Variants in SORCS3 observed in about 807,000 individuals in gnomAD.
SORCS3 encodes sortilin related VPS10 domain containing receptor 3, also known as VPS10 domain-containing receptor SorCS3.
In SORCS3, 57 loss-of-function variants were observed where a neutral mutation model predicts 146.3. That is an observed-to-expected ratio of 0.39 (90% CI 0.31 to 0.49). The LOEUF (loss-of-function observed/expected upper bound fraction) is 0.49. Among genes scored for constraint, SORCS3 ranks in the 20% least tolerant of loss-of-function variants. SORCS3 has a pLI of 0.92. For missense variants in SORCS3, 1,341 were observed against 1,575.5 expected (o/e 0.85, Z 2.52); for synonymous variants, 653 against 618.5 (o/e 1.06, Z -0.83).
At chr10:105,260,663 G>A (rs559729800) in intron 25 of SORCS3, among the ~76,000 whole-genome samples, 9 of 152,312 alleles carry the variant, frequency 5.9e-5, no homozygotes, top group South Asian at 4.1e-4. Flanking sequence ...CAGGAAACCC[G>A]TATTAAGTGC....
chr10:104,822,424 G>A (rs1372315287), intron 1 of SORCS3, among the ~76,000 whole-genome samples: 1 of 152,176 alleles, frequency 6.6e-6, no homozygotes, highest in Non-Finnish European at 1.5e-5. Context: ...GAAGGACAAG[G>A]AGATACGATC....
chr10:104,681,096 C>T (rs147353962), intron 1 of SORCS3, among the ~76,000 whole-genome samples: 123 of 152,338 alleles, frequency 8.1e-4, no homozygotes, highest in African/African-American at 2.8e-3. Flanking sequence ...TAACACATGC[C>T]GGTCTCCCTG....
Position 105,263,439 on chromosome 10 carries a change from T to G in SORCS3, c.*65T>G. The G allele has an allele frequency of 6.8e-7, 1 of 1,466,150 alleles. No individual in the cohort carries two copies. The highest frequency in any genetic ancestry group is 1.4e-5 in the African/African-American group (1 of 70,968). The allele number at this position is 1,466,150 out of a possible 1,614,324, so 90.8% of individuals were successfully genotyped here. A position where few individuals can be genotyped will look rare whatever the true frequency, so the allele number is the denominator to read the frequency against. On this transcript the variant is annotated 3_prime_UTR_variant, in exon 27 of 27. Transcript: ENST00000369701. ...TATTTTTGATGATTACTATTACTATTATTATGGAAAAATTAAAATGTCTTT... is the reference window on the plus strand; with the variant it reads ...TATTTTTGATGATTACTATTACTATGATTATGGAAAAATTAAAATGTCTTT...
chr10:105,016,124 A>T (rs2055164325), intron 4 of SORCS3, among the ~76,000 whole-genome samples: 2 of 135,678 alleles, frequency 1.5e-5, no homozygotes, highest in South Asian at 4.5e-4. Flanking sequence ...CATATTAGAA[A>T]TATTATATAA....
intron 3 of SORCS3, among the ~76,000 whole-genome samples, chr10:104,923,476 T>C (rs1192399483): frequency 2.0e-5 from 3 of 152,222 alleles, no homozygotes; most frequent in Non-Finnish European, 2.9e-5. Context: ...CTGGCTCTGC[T>C]GGTAGAAGTC....
intron 7 of SORCS3, among the ~76,000 whole-genome samples, chr10:105,111,478 GTAGT>G (rs754828635): frequency 1.3e-5 from 2 of 152,192 alleles, no homozygotes; most frequent in Non-Finnish European, 2.9e-5. Context: ...CTCAGGAAGT[GTAGT>G]TAGTTATCTT....
chr10:104,922,417 G>A (rs528036263), intron 3 of SORCS3, among the ~76,000 whole-genome samples: 13 of 152,312 alleles, frequency 8.5e-5, no homozygotes, highest in Middle Eastern at 3.4e-3. Context: ...AAGATGCACC[G>A]AAGAAAATGA....
At chr10:104,892,829 G>C (rs2018761931) in intron 2 of SORCS3, among the ~76,000 whole-genome samples, 1 of 152,104 alleles carries the variant, frequency 6.6e-6, no homozygotes, top group Non-Finnish European at 1.5e-5. Flanking sequence ...CTAGGAGGCT[G>C]TAACACATAG....
intron 1 of SORCS3, chr10:104,822,213 T>A (rs777330575): frequency 2.9e-5 from 12 of 418,436 alleles, no homozygotes; most frequent in Non-Finnish European, 5.2e-5. Flanking sequence ...ACACGTTGTC[T>A]GTTTCTTATC....
intron 3 of SORCS3, among the ~76,000 whole-genome samples, chr10:104,939,522 A>G (rs1274867892): frequency 9.0e-6 from 1 of 111,402 alleles, no homozygotes; most frequent in Non-Finnish European, 1.7e-5. Context: ...CAGTCCTTTT[A>G]AGAGAACGTC....
chr10:104,979,579 G>A (rs1024748518), intron 4 of SORCS3, among the ~76,000 whole-genome samples: 16 of 152,046 alleles, frequency 1.1e-4, no homozygotes, highest in African/African-American at 2.9e-4. Flanking sequence ...GTGTGTGTGT[G>A]TGTGCATGCG....
At chr10:104,794,081 A>G (rs973190) in intron 1 of SORCS3, among the ~76,000 whole-genome samples, 112,970 of 152,110 alleles carry the variant, frequency 0.74, 42,175 homozygotes, top group East Asian at 0.92. Flanking sequence ...GGCAGAGGAA[A>G]GTCGCAGGCG....
intron 1 of SORCS3, among the ~76,000 whole-genome samples, chr10:104,771,340 T>A (rs1001764233): frequency 6.6e-6 from 1 of 152,216 alleles, no homozygotes; most frequent in Non-Finnish European, 1.5e-5. Flanking sequence ...TGTTGTTAGC[T>A]AATAAGCAGT....
chr10:105,044,571 C>A (rs1250344903), intron 5 of SORCS3, among the ~76,000 whole-genome samples: 1 of 152,102 alleles, frequency 6.6e-6, no homozygotes, highest in Admixed American at 6.6e-5. Context: ...TGTACATACA[C>A]ACATTCATAC....
intron 1 of SORCS3, among the ~76,000 whole-genome samples, chr10:104,819,174 T>C (rs1589511253): frequency 6.6e-6 from 1 of 152,098 alleles, no homozygotes; most frequent in Non-Finnish European, 1.5e-5. Flanking sequence ...TGCACGTCAG[T>C]GTGTACAAGA....
At position 105,211,122 on chromosome 10, in the gene SORCS3, T is replaced by A; in HGVS notation, c.2262-15T>A. ...GTACATATATACTACTATGCAATAT[T>A]CATTTTCCTGACAGTGACTATGGGT... On this transcript the variant is annotated splice_polypyrimidine_tract_variant and intron_variant, in intron 16 of 26. Coordinates refer to ENST00000369701, the MANE Select transcript of SORCS3 (RefSeq NM_014978.3). 6.3e-7 allele frequency: 1 copy of A among 1,585,598 alleles called. No homozygotes were observed.
intron 1 of SORCS3, among the ~76,000 whole-genome samples, chr10:104,662,700 C>T (rs1403506783): frequency 1.3e-5 from 2 of 152,162 alleles, no homozygotes; most frequent in African/African-American, 4.8e-5. Context: ...AATATTTGTA[C>T]TTAAGCTCTG....
intron 1 of SORCS3, among the ~76,000 whole-genome samples, chr10:104,815,285 C>A (rs529770860): frequency 7.6e-4 from 116 of 151,962 alleles, no homozygotes; most frequent in African/African-American, 2.7e-3. Context: ...CATGGTGAAA[C>A]CCTGTCTCTA....
intron 1 of SORCS3, among the ~76,000 whole-genome samples, chr10:104,714,312 A>C (rs888541648): frequency 6.6e-6 from 1 of 151,356 alleles, no homozygotes; most frequent in Non-Finnish European, 1.5e-5. Context: ...TTAAATTACT[A>C]TTTTTCCTCT....
Sources: allele counts gnomAD v4.1 joint callset (sites outside exome capture counted in the v4.1 genomes callset), GRCh38; gene constraint gnomAD v4.1.1; transcripts MANE v1.5; gene names NCBI Gene and HGNC (gene_info 2026-07-23, HGNC 2026-07-21).